MYRIP: variants seen among roughly 807,000 people sequenced by gnomAD.
MYRIP encodes myosin VIIA and Rab interacting protein.
A neutral mutation model predicts 98.0 loss-of-function variants in MYRIP; 49 were observed. That is an observed-to-expected ratio of 0.50 (90% CI 0.40 to 0.63). The LOEUF is 0.63. Ranked by LOEUF, MYRIP falls within the 30% of genes least tolerant of loss-of-function variation. MYRIP has a pLI of 0.00. For missense variants in MYRIP, 1,004 were observed against 1,058.2 expected (o/e 0.95, Z 0.71); for synonymous variants, 404 against 409.5 (o/e 0.99, Z 0.16).
intron 3 of MYRIP, among the ~76,000 whole-genome samples, chr3:40,079,272 C>G (rs1159732893): frequency 2.0e-5 from 3 of 152,194 alleles, no homozygotes; most frequent in Non-Finnish European, 4.4e-5. Context: ...CCAAGGCTAT[C>G]CTGGGCAACT....
intron 11 of MYRIP, among the ~76,000 whole-genome samples, chr3:40,219,194 G>A (rs1451283851): frequency 6.6e-6 from 1 of 152,040 alleles, no homozygotes; most frequent in African/African-American, 2.4e-5. Context: ...GGAGTTTAAA[G>A]GTTAAGTAAA....
chr3:40,210,811 A>G (rs2125667254), intron 11 of MYRIP, among the ~76,000 whole-genome samples: 1 of 152,184 alleles, frequency 6.6e-6, no homozygotes, highest in South Asian at 2.1e-4. Flanking sequence ...CTCTGGCATA[A>G]AAGAATCCCA....
intron 1 of MYRIP, among the ~76,000 whole-genome samples, chr3:39,848,274 T>C (rs913383223): frequency 1.3e-5 from 2 of 152,250 alleles, no homozygotes; most frequent in Non-Finnish European, 2.9e-5. Flanking sequence ...CTGCTTCATA[T>C]GTCATTGAAT....
At chr3:39,880,017 C>T (rs965383131) in intron 1 of MYRIP, among the ~76,000 whole-genome samples, 3 of 151,910 alleles carry the variant, frequency 2.0e-5, no homozygotes, top group Admixed American at 2.0e-4. Flanking sequence ...TGGATCTTAC[C>T]CAGTGCATAT....
chr3:39,890,379 A>T (rs1422683737), intron 1 of MYRIP, among the ~76,000 whole-genome samples: 1 of 152,010 alleles, frequency 6.6e-6, no homozygotes, highest in Admixed American at 6.6e-5. Flanking sequence ...CCATTTCTTC[A>T]TTCATGGATG....
chr3:39,811,068 C>T (rs879337527), intron 1 of MYRIP, among the ~76,000 whole-genome samples: 3 of 152,066 alleles, frequency 2.0e-5, no homozygotes, highest in Non-Finnish European at 4.4e-5. Flanking sequence ...TACTCCAGGT[C>T]CTTTGAGGTG....
chr3:40,244,671 C>T (rs1278081993), intron 13 of MYRIP, 64 bp downstream of exon 13: 3 of 1,498,350 alleles, frequency 2.0e-6, no homozygotes, highest in Admixed American at 4.3e-5. Flanking sequence ...CCATGTTCTA[C>T]AAGAATCACT....
At chr3:39,904,574 G>C (rs1213928151) in intron 2 of MYRIP, among the ~76,000 whole-genome samples, 3 of 152,028 alleles carry the variant, frequency 2.0e-5, no homozygotes, top group Admixed American at 1.3e-4. Context: ...TATTTAGAAT[G>C]GATGTGATAT....
intron 1 of MYRIP, among the ~76,000 whole-genome samples, chr3:39,835,016 G>A (rs1170211318): frequency 6.6e-6 from 1 of 152,188 alleles, no homozygotes; most frequent in African/African-American, 2.4e-5. Flanking sequence ...AGAGGGGACA[G>A]TGGGTGAATT....
chr3:39,985,113 T>A (rs1035958963), intron 2 of MYRIP, among the ~76,000 whole-genome samples: 64 of 152,032 alleles, frequency 4.2e-4, no homozygotes, highest in African/African-American at 1.5e-3. Flanking sequence ...TCATTGTAGA[T>A]TCTGGGAAAA....
At chr3:40,022,022 T>C (rs1947011011) in intron 2 of MYRIP, among the ~76,000 whole-genome samples, 1 of 152,236 alleles carries the variant, frequency 6.6e-6, no homozygotes. Context: ...ATTGATCAAA[T>C]GTTCAGTTGT....
intron 2 of MYRIP, among the ~76,000 whole-genome samples, chr3:39,919,450 C>T (rs944648380): frequency 1.3e-5 from 2 of 152,204 alleles, no homozygotes; most frequent in Non-Finnish European, 2.9e-5. Flanking sequence ...CTGCATTTCT[C>T]CAGGCCTGGG....
intron 1 of MYRIP, among the ~76,000 whole-genome samples, chr3:39,827,088 G>C (rs1471904287): frequency 6.6e-6 from 1 of 151,976 alleles, no homozygotes; most frequent in African/African-American, 2.4e-5. Context: ...CATATAGTAG[G>C]GTTTTGCATT....
intron 5 of MYRIP, chr3:40,163,023 A>G: frequency 6.4e-6 from 3 of 469,614 alleles, no homozygotes; most frequent in Non-Finnish European, 1.1e-5. Flanking sequence ...CCAAGAGAAC[A>G]GCATTCGTTA....
At chr3:39,840,051 G>A (rs1048940618) in intron 1 of MYRIP, among the ~76,000 whole-genome samples, 5 of 152,154 alleles carry the variant, frequency 3.3e-5, no homozygotes, top group African/African-American at 1.2e-4. Context: ...TCATTGATCT[G>A]TCTAATATTG....
rs76815053 is a variant in MYRIP, at chr3:39,862,682, C to T, written c.-30-38105C>T. Among the ~76,000 whole-genome samples, 1,508 of 152,252 alleles carry T rather than the reference C, an allele frequency of 9.9e-3. 27 individuals are homozygous for T. Among genetic ancestry groups the T allele is most frequent in the African/African-American group, 0.035 (1,448 of 41,546 alleles). ...AGACCTACAAAGAGACTTAATCATA[C>T]AATAGTACTGGGAGACTTCAACACC... On this transcript the variant is annotated intron_variant, in intron 1 of 16. Coordinates refer to ENST00000302541, the MANE Select transcript of MYRIP (RefSeq NM_015460.4).
chr3:39,821,193 G>A (rs1941091314), intron 1 of MYRIP, among the ~76,000 whole-genome samples: 1 of 152,198 alleles, frequency 6.6e-6, no homozygotes, highest in East Asian at 1.9e-4. Context: ...TGCTCTGCAT[G>A]TTCAGTCAAG....
At chr3:40,154,593 C>A (rs1253694494) in intron 4 of MYRIP, among the ~76,000 whole-genome samples, 1 of 152,060 alleles carries the variant, frequency 6.6e-6, no homozygotes, top group Non-Finnish European at 1.5e-5. Context: ...GCAGGACGTG[C>A]AGGTTTGTTA....
At chr3:39,824,573 CT>C (rs1941209099) in intron 1 of MYRIP, among the ~76,000 whole-genome samples, 1 of 151,236 alleles carries the variant, frequency 6.6e-6, no homozygotes, top group African/African-American at 2.4e-5. Flanking sequence ...TTTTCACCTC[CT>C]TGGTTATATT....
Sources: allele counts gnomAD v4.1 joint callset (sites outside exome capture counted in the v4.1 genomes callset), GRCh38; gene constraint gnomAD v4.1.1; transcripts MANE v1.5; gene names NCBI Gene and HGNC (gene_info 2026-07-23, HGNC 2026-07-21).